The following PTPRG variants were observed in gnomAD, a reference collection of about 807,000 sequenced individuals.
PTPRG encodes the protein protein tyrosine phosphatase receptor type G.
In PTPRG, 102 loss-of-function variants were observed where a neutral mutation model predicts 165.3. The ratio of observed to expected loss-of-function variants is 0.62; its 90% confidence interval spans 0.53 to 0.73. PTPRG has a LOEUF of 0.73. PTPRG is among the 30% of genes least tolerant of loss of function. The pLI is 0.00. For synonymous variants in PTPRG, 675 were observed against 669.5 expected (o/e 1.01, Z -0.13); for missense variants, 1,866 against 1,861.4 (o/e 1.00, Z -0.05).
chr3:61,857,525 G>A (rs1467473736), intron 2 of PTPRG, among the ~76,000 whole-genome samples: 2 of 152,142 alleles, frequency 1.3e-5, no homozygotes, highest in Admixed American at 6.5e-5. Context: ...CCAGCACAGC[G>A]TATTGACAGT....
At chr3:61,643,260 GGAGAGA>G (rs926734882) in intron 1 of PTPRG, among the ~76,000 whole-genome samples, 1 of 138,506 alleles carries the variant, frequency 7.2e-6, no homozygotes, top group Admixed American at 7.8e-5. Context: ...CCCCATCTGG[GGAGAGA>G]GAGAGAGAGA....
intron 2 of PTPRG, among the ~76,000 whole-genome samples, chr3:61,802,437 T>A (rs983024543): frequency 1.3e-5 from 2 of 152,178 alleles, no homozygotes; most frequent in Non-Finnish European, 2.9e-5. Context: ...CTGTTAGATA[T>A]GTTAGAGGAA....
chr3:61,746,083 C>G (rs1174958926), intron 1 of PTPRG, among the ~76,000 whole-genome samples: 1 of 143,552 alleles, frequency 7.0e-6, no homozygotes, highest in Non-Finnish European at 1.5e-5. Flanking sequence ...GGGTCTCACT[C>G]TGTTGCCCAG....
intron 4 of PTPRG, among the ~76,000 whole-genome samples, chr3:62,045,689 C>A (rs1302795805): frequency 6.6e-6 from 1 of 152,170 alleles, no homozygotes; most frequent in African/African-American, 2.4e-5. Context: ...CCAGTCATTA[C>A]CTTGAATAAA....
intron 2 of PTPRG, among the ~76,000 whole-genome samples, chr3:61,962,901 T>C (rs976856): frequency 0.14 from 20,670 of 152,160 alleles, 2,149 homozygotes; most frequent in African/African-American, 0.28. Context: ...ATTTAGTTTT[T>C]GTAATTTAAT....
At chr3:61,892,348 TC>T (rs2038237727) in intron 2 of PTPRG, among the ~76,000 whole-genome samples, 1 of 152,190 alleles carries the variant, frequency 6.6e-6, no homozygotes, top group Non-Finnish European at 1.5e-5. Flanking sequence ...TGCCTCAGTG[TC>T]CTGTGTAGCT....
intron 7 of PTPRG, among the ~76,000 whole-genome samples, chr3:62,167,166 A>G (rs924747767): frequency 6.6e-6 from 1 of 152,190 alleles, no homozygotes; most frequent in Middle Eastern, 3.2e-3. Flanking sequence ...AAATTTTAAT[A>G]CTTCTGACAA....
chr3:62,216,541 CCCCCCT>C, intron 12 of PTPRG, among the ~76,000 whole-genome samples: 1 of 151,914 alleles, frequency 6.6e-6, no homozygotes, highest in Non-Finnish European at 1.5e-5. Flanking sequence ...TTGAGATTCC[CCCCCCT>C]CCCCCACCAG....
At chr3:61,877,982 A>G (rs2037790189) in intron 2 of PTPRG, among the ~76,000 whole-genome samples, 1 of 152,176 alleles carries the variant, frequency 6.6e-6, no homozygotes, top group Non-Finnish European at 1.5e-5. Flanking sequence ...TTTAATTTGA[A>G]ATGCTGCCAA....
intron 1 of PTPRG, among the ~76,000 whole-genome samples, chr3:61,731,170 G>A (rs1289439715): frequency 1.3e-5 from 2 of 152,092 alleles, no homozygotes; most frequent in African/African-American, 4.8e-5. Flanking sequence ...CCCCCGTTGA[G>A]TTAGCAGTCT....
At chr3:62,172,732 C>T (rs998565346) in intron 8 of PTPRG, among the ~76,000 whole-genome samples, 8 of 150,196 alleles carry the variant, frequency 5.3e-5, no homozygotes, top group Admixed American at 3.3e-4. Flanking sequence ...TACTCTTCTG[C>T]GAAAAAAAGT....
chr3:62,023,572 C>G lies in PTPRG; in HGVS notation c.519+20075C>G, dbSNP rs76456349. Among the ~76,000 whole-genome samples the G allele has an allele frequency of 6.7e-3, 1,027 of 152,192 alleles. 16 individuals carry two copies. The highest frequency in any genetic ancestry group is 0.023 in the African/African-American group (947 of 41,520). Reference sequence around the variant, plus strand: ...GAGTATGCATTACTTTCCTCTCTAGCCATCATCCTTGTTTACTCCTAGACA... The same window carrying G: ...GAGTATGCATTACTTTCCTCTCTAGGCATCATCCTTGTTTACTCCTAGACA... On this transcript the variant is annotated intron_variant, in intron 4 of 29. Coordinates refer to ENST00000474889, the MANE Select transcript of PTPRG (RefSeq NM_002841.4).
chr3:61,752,679 G>C (rs963493700), intron 2 of PTPRG, among the ~76,000 whole-genome samples: 13 of 150,218 alleles, frequency 8.7e-5, no homozygotes, highest in African/African-American at 1.5e-4. Context: ...CCAGCTACTC[G>C]GGAGGCTGAG....
chr3:62,146,864 A>G (rs1704142233), intron 6 of PTPRG, among the ~76,000 whole-genome samples: 1 of 152,242 alleles, frequency 6.6e-6, no homozygotes, highest in Non-Finnish European at 1.5e-5. Context: ...GATTTGGCCC[A>G]TGTACCATAG....
At chr3:61,847,245 C>T (rs140124809) in intron 2 of PTPRG, among the ~76,000 whole-genome samples, 53 of 152,180 alleles carry the variant, frequency 3.5e-4, no homozygotes, top group Non-Finnish European at 6.5e-4. Context: ...TACAAGCACA[C>T]GGGGAGAACA....
chr3:61,709,975 C>T (rs765579806), intron 1 of PTPRG, among the ~76,000 whole-genome samples: 5 of 152,128 alleles, frequency 3.3e-5, no homozygotes, highest in Non-Finnish European at 2.9e-5. Flanking sequence ...GCTGCTGTTC[C>T]TGGGACCACA....
intron 1 of PTPRG, among the ~76,000 whole-genome samples, chr3:61,741,281 G>A (rs1251673579): frequency 2.0e-5 from 3 of 152,084 alleles, no homozygotes; most frequent in Non-Finnish European, 2.9e-5. Context: ...GGATATCTTC[G>A]TTCTAGATTT....
rs114900732 is a variant in PTPRG at position 61,670,924 on chromosome 3, C to G, written c.86-77954C>G. On this transcript the variant is annotated intron_variant, in intron 1 of 29. Coordinates refer to ENST00000474889, the MANE Select transcript of PTPRG (RefSeq NM_002841.4). ...CCCTGACTTGGGGTGGGGAGTGTGA[C>G]GTAGAGACACTGCGAAGCCGGAGCG... Among the ~76,000 whole-genome samples, 424 of 152,210 alleles carry G rather than the reference C, an allele frequency of 2.8e-3. 3 individuals carry two copies. Among genetic ancestry groups the G allele is most frequent in the African/African-American group, 9.4e-3 (392 of 41,538 alleles).
chr3:62,250,998 C>G lies in PTPRG; in HGVS notation c.2468-4126C>G, dbSNP rs541438547. ...AAGCCCACCTCTTCAGGTACTGATT[C>G]TCTACATTAGTCATTTTATAATCGG... On this transcript the variant is annotated intron_variant, in intron 15 of 29. Coordinates refer to ENST00000474889, the MANE Select transcript of PTPRG (RefSeq NM_002841.4). 3.3e-5 allele frequency among the ~76,000 whole-genome samples: 5 copies of G among 152,306 alleles called. 1 individual carries two copies. The South Asian group carries it at 8.3e-4, about 25-fold the overall frequency.
Sources: gnomAD v4.1 joint callset for allele counts (sites outside exome capture counted in the v4.1 genomes callset) on GRCh38, gnomAD v4.1.1 for gene constraint, MANE v1.5 for transcripts, NCBI Gene and HGNC (gene_info 2026-07-23, HGNC 2026-07-21) for gene names.